Variants in ITGA7 observed in about 807,000 individuals in gnomAD.
The protein encoded by ITGA7 is integrin subunit alpha 7.
Under a neutral mutation model 131.6 loss-of-function variants are expected in ITGA7, and 84 were observed. The observed-to-expected ratio is 0.64, with a 90% CI of 0.54 to 0.77. The LOEUF (loss-of-function observed/expected upper bound fraction) is 0.77, where lower values mean the gene tolerates loss of function less well. ITGA7 is among the 30% of genes least tolerant of loss of function. ITGA7 has a pLI of 0.00. For synonymous variants in ITGA7, 548 were observed against 600.7 expected, an observed-to-expected ratio of 0.91 and a Z score of 1.28; for missense variants, 1,399 against 1,482.9, an observed-to-expected ratio of 0.94 and a Z score of 0.93.
At chr12:55,690,034 G>A (rs1277134974) in intron 21 of ITGA7, among the ~76,000 whole-genome samples, 1 of 152,124 alleles carries the variant, frequency 6.6e-6, no homozygotes, top group Non-Finnish European at 1.5e-5. Flanking sequence ...GAAAACCTAG[G>A]AATTACCATT....
chr12:55,696,608 G>A (rs1394041413), intron 12 of ITGA7, among the ~76,000 whole-genome samples, 176 bp from the exon 13 acceptor site: 3 of 152,160 alleles, frequency 2.0e-5, no homozygotes, highest in Non-Finnish European at 4.4e-5. Context: ...GGGGACAGGG[G>A]AAACCTTTAG....
intron 7 of ITGA7, 97 bp downstream of exon 7, chr12:55,698,286 C>T (rs1873097620): frequency 1.7e-6 from 2 of 1,172,802 alleles, no homozygotes; most frequent in Non-Finnish European, 2.4e-6. Context: ...ACCCTCTCTC[C>T]CTGAGTCCTC....
In ITGA7 at chr12:55,703,125, C is replaced by T. The variant is rs775800333; in HGVS notation, c.260G>A (p.Arg87His). 174 of 1,613,590 alleles carry T rather than the reference C, an allele frequency of 1.1e-4. 1 individual carries two copies. Among genetic ancestry groups the T allele is most frequent in the South Asian group, 1.0e-3 (94 of 91,076 alleles). ...CGGGCAAGCGAAGAGGCCTCCAGTG[C>T]GATTCGCCTGCTGCCCAGGAAGAGC... ...ALALPGQQANRTGGLFACPLS... is the reference protein window; with the variant it reads ...ALALPGQQANHTGGLFACPLS... Residue 87 changes from arginine to histidine, a missense_variant, in exon 2 of 25, where the codon CGC becomes CAC. Arg to His is a conservative substitution (Grantham distance 29). Transcript: ENST00000257879.
chr12:55,687,398 A>G (rs997286864), intron 24 of ITGA7, among the ~76,000 whole-genome samples: 2 of 150,350 alleles, frequency 1.3e-5, no homozygotes, highest in Non-Finnish European at 2.9e-5. Context: ...CATGTTGGCC[A>G]GCTTGGTCTT....
At chr12:55,709,937 G>T (rs944119226), upstream of ITGA7, among the ~76,000 whole-genome samples, 1 of 152,230 alleles carries the variant, frequency 6.6e-6, no homozygotes, top group Non-Finnish European at 1.5e-5. Flanking sequence ...GAGGGGCAAA[G>T]GAGGGAGGGG....
At chr12:55,714,711 C>T (rs1876380499), upstream of ITGA7, among the ~76,000 whole-genome samples, 1 of 150,008 alleles carries the variant, frequency 6.7e-6, no homozygotes, top group South Asian at 2.1e-4. Context: ...TTTATATATA[C>T]ATATATACAT....
In ITGA7 at chr12:55,694,752, A is replaced by C; in HGVS notation, c.2196+26T>G. 6.2e-7 allele frequency: 1 copy of C among 1,613,688 alleles called. No homozygotes were observed. Among genetic ancestry groups the C allele is most frequent in the Non-Finnish European group, 8.5e-7 (1 of 1,179,862 alleles). On this transcript the variant is annotated intron_variant, in intron 15 of 24. Coordinates refer to ENST00000257879, the MANE Select transcript of ITGA7 (RefSeq NM_002206.3). This position sits in a 1 kb window ranked among gnomAD's most constrained non-coding sequence, Gnocchi z 5.3. ...GGTTACTGGAGCCCCTCAAGACCCC[A>C]CCCCATCCTGCCCCCAGGTCCTCAC...
upstream of ITGA7, chr12:55,711,965 T>A: frequency 1.0e-6 from 1 of 971,292 alleles, no homozygotes; most frequent in Admixed American, 2.0e-5. Context: ...AACTTCTCCC[T>A]CCACCTCATC....
chr12:55,698,919 T>TGG lies in ITGA7; in HGVS notation c.791-4_791-3dup, dbSNP rs1873304112. The TGG allele has an allele frequency of 1.2e-6, 2 of 1,607,650 alleles. No individual in the cohort carries two copies. On this transcript the variant is annotated splice_region_variant and splice_polypyrimidine_tract_variant and intron_variant, in intron 5 of 24. Transcript: ENST00000257879. Reference sequence around the variant, plus strand: ...CTTTCCCCGAGTCAATAGAGAAGCCTGGGGGAAGGGTGACTTACCCCTAAG... The same window carrying TGG: ...CTTTCCCCGAGTCAATAGAGAAGCCTGGGGGGGAAGGGTGACTTACCCCTAAG...
chr12:55,710,875 G>T (rs1876042414), upstream of ITGA7, among the ~76,000 whole-genome samples: 1 of 152,124 alleles, frequency 6.6e-6, no homozygotes, highest in Non-Finnish European at 1.5e-5. Flanking sequence ...GATGGAGGGG[G>T]GTGGGGACAA....
chr12:55,695,912 G>A (rs1398917035), intron 13 of ITGA7, among the ~76,000 whole-genome samples: 2 of 152,032 alleles, frequency 1.3e-5, no homozygotes, highest in African/African-American at 4.8e-5. Flanking sequence ...ATGTAACTGA[G>A]TTCCGGATTT....
At chr12:55,716,235 G>A (rs748866933), upstream of ITGA7, 4 of 1,572,792 alleles carry the variant, frequency 2.5e-6, no homozygotes, top group Non-Finnish European at 3.4e-6. Flanking sequence ...CTCTTCGGCC[G>A]CGGCCTAGCT....
chr12:55,694,326 T>A lies in ITGA7; in HGVS notation c.2362A>T (p.Ser788Cys), dbSNP rs771061078. The change falls in exon 18 of 25, where the codon AGT becomes TGT. Residue 788 changes from serine to cysteine, a missense_variant. Ser to Cys is a moderately radical substitution (Grantham distance 112, BLOSUM62 -1). Coordinates refer to ENST00000257879, the MANE Select transcript of ITGA7 (RefSeq NM_002206.3). This position sits in a 1 kb window ranked among gnomAD's most constrained non-coding sequence, Gnocchi z 5.3. ...GAGACTGGATGCAGCTCCTGCTCAC[T>A]GATCCTGGTGAGTGGGCAGGGGCAA... is the stretch of plus-strand genomic sequence containing the variant. Reference protein sequence around the residue: ...LEVELLLATISEQELHPVSAR... With the variant: ...LEVELLLATICEQELHPVSAR... 1.2e-6 allele frequency: 2 copies of A among 1,613,844 alleles called. No homozygotes were observed. Among genetic ancestry groups the A allele is most frequent in the Non-Finnish European group, 8.5e-7 (1 of 1,180,026 alleles).
chr12:55,716,190 C>T, upstream of ITGA7: 1 of 1,609,636 alleles, frequency 6.2e-7, no homozygotes, highest in Non-Finnish European at 8.5e-7. Context: ...ACGCAAGGAG[C>T]TGCAGGGTGA....
chr12:55,712,282 A>G (rs7295218), upstream of ITGA7: 7,415 of 1,540,424 alleles, frequency 4.8e-3, 323 homozygotes, highest in African/African-American at 0.093. Context: ...GGACTGTCTC[A>G]AGGGCCCCCT....
In ITGA7 at chr12:55,694,113, G is replaced by T. The variant is rs1225573550; in HGVS notation, c.2443C>A (p.Pro815Thr). 55 of 1,614,188 alleles carry T rather than the reference G, an allele frequency of 3.4e-5. No homozygotes were observed. Among genetic ancestry groups the T allele is most frequent in the Non-Finnish European group, 4.7e-5 (55 of 1,180,010 alleles). The change falls in exon 19 of 25, where the codon CCC becomes ACC. Residue 815 changes from proline to threonine, a missense_variant. By Grantham distance (38) the Pro-to-Thr change is conservative. Coordinates refer to ENST00000257879, the MANE Select transcript of ITGA7 (RefSeq NM_002206.3). This position sits in a 1 kb window ranked among gnomAD's most constrained non-coding sequence, Gnocchi z 5.3. ...LPLSIAGMAI[P>T]QQLFFSGVVR... ...ACACCAGAGAAGAAGAGTTGCTGGG[G>T]AATGGCCATTCTGGCGTGGAGAGGT...
At chr12:55,702,540 C>T (rs1297874328) in intron 3 of ITGA7, among the ~76,000 whole-genome samples, 1 of 152,130 alleles carries the variant, frequency 6.6e-6, no homozygotes, top group Non-Finnish European at 1.5e-5. Context: ...GTCTCGAACT[C>T]CTGACCTCAG....
At position 55,694,254 on chromosome 12, in the gene ITGA7, A is replaced by G; in HGVS notation, c.2432+2T>C. 3.1e-6 allele frequency: 5 copies of G among 1,614,066 alleles called. No homozygotes were observed. Among genetic ancestry groups the G allele is most frequent in the Non-Finnish European group, 4.2e-6 (5 of 1,180,000 alleles). The stretch of plus-strand genomic sequence containing the variant: ...GGAGGTGCCCCCTTGGGCCAGGCTC[A>G]CCCTGCAATGGACAGTGGCAGCTCA... On this transcript the variant is annotated splice_donor_variant, in intron 18 of 24. Coordinates refer to ENST00000257879, the MANE Select transcript of ITGA7 (RefSeq NM_002206.3). LOFTEE classifies it high-confidence loss of function. The surrounding 1 kb of genome is among the most constrained non-coding windows in gnomAD (Gnocchi z 5.3).
In ITGA7 at chr12:55,694,082, C is replaced by T; in HGVS notation, c.2474G>A (p.Arg825Lys). The T allele has an allele frequency of 6.2e-7, 1 of 1,614,228 alleles. No individual in the cohort carries two copies. Among genetic ancestry groups the T allele is most frequent in the Non-Finnish European group, 8.5e-7 (1 of 1,180,026 alleles). Residue 825 changes from arginine to lysine, a missense_variant, in exon 19 of 25, where the codon AGG (arginine) becomes AAG (lysine). Physicochemically the swap from Arg to Lys is conservative, Grantham distance 26 (BLOSUM62 2). Coordinates refer to ENST00000257879, the MANE Select transcript of ITGA7 (RefSeq NM_002206.3). This position sits in a 1 kb window ranked among gnomAD's most constrained non-coding sequence, Gnocchi z 5.3. ...CTCAGACTGCATGGCTCTCTCGCCCCTCACCACACCAGAGAAGAAGAGTTG... is the reference window on the plus strand; with the variant it reads ...CTCAGACTGCATGGCTCTCTCGCCCTTCACCACACCAGAGAAGAAGAGTTG... ...PQQLFFSGVV[R>K]GERAMQSERD... is the part of the protein sequence containing the mutation.
Sources: gnomAD v4.1 joint callset for allele counts (sites outside exome capture counted in the v4.1 genomes callset) on GRCh38, gnomAD v4.1.1 for gene constraint, Gnocchi (gnomAD v3.1) non-coding constraint, MANE v1.5 for transcripts, NCBI Gene and HGNC (gene_info 2026-07-23, HGNC 2026-07-21) for gene names.